The following PKP4 variants were observed in gnomAD, a reference collection of about 807,000 sequenced individuals.
PKP4 encodes plakophilin 4.
PKP4 carries 90 observed loss-of-function variants against 145.1 expected under a neutral mutation model. That is an observed-to-expected ratio of 0.62 (90% CI 0.52 to 0.74). The LOEUF is 0.74. Ranked by LOEUF, PKP4 falls within the 30% of genes least tolerant of loss-of-function variation. PKP4 has a pLI of 0.00. For synonymous variants in PKP4, 563 were observed against 577.2 expected (o/e 0.98, Z 0.35); for missense variants, 1,340 against 1,482.7 (o/e 0.90, Z 1.58).
intron 2 of PKP4, among the ~76,000 whole-genome samples, chr2:158,559,496 C>G (rs2046348017): frequency 1.3e-5 from 2 of 152,062 alleles, no homozygotes; most frequent in Non-Finnish European, 2.9e-5. Flanking sequence ...GCCTCAAGCC[C>G]TACGCAGGAA....
chr2:158,546,074 A>G (rs1033807104), intron 2 of PKP4, among the ~76,000 whole-genome samples: 1 of 152,130 alleles, frequency 6.6e-6, no homozygotes, highest in Non-Finnish European at 1.5e-5. Context: ...AATTCTTTGT[A>G]TTTGACTGTC....
chr2:158,476,959 CAAAT>C (rs1236629267), intron 1 of PKP4, among the ~76,000 whole-genome samples: 1 of 152,060 alleles, frequency 6.6e-6, no homozygotes, highest in East Asian at 1.9e-4. Context: ...TCTTCTAACA[CAAAT>C]ATTTAAAACA....
intron 11 of PKP4, among the ~76,000 whole-genome samples, chr2:158,651,147 A>G (rs2055325892): frequency 6.6e-6 from 1 of 152,084 alleles, no homozygotes; most frequent in African/African-American, 2.4e-5. Flanking sequence ...TTTCACTTAG[A>G]TTTCGTAATT....
At chr2:158,672,525 A>G (rs558291005) in intron 17 of PKP4, among the ~76,000 whole-genome samples, 7 of 152,290 alleles carry the variant, frequency 4.6e-5, no homozygotes, top group Non-Finnish European at 7.4e-5. Flanking sequence ...CAAAGCAGCA[A>G]TGGCCGGGCC....
intron 1 of PKP4, among the ~76,000 whole-genome samples, chr2:158,485,559 A>C (rs1467856810): frequency 6.6e-6 from 1 of 152,180 alleles, no homozygotes; most frequent in African/African-American, 2.4e-5. Flanking sequence ...CATTACAAGC[A>C]CCTGAAGTGT....
At position 158,634,099 on chromosome 2, in the gene PKP4, A is replaced by C. The variant is rs2053616282; in HGVS notation, c.1372A>C (p.Ser458Arg). Residue 458 changes from serine to arginine, a missense_variant, in exon 9 of 22, where the codon AGC becomes CGC. Transcript: ENST00000389759. ...TATTGGAAATCTACAAAGGACATCC[A>C]GCCAACGAAGTACCCTTACATACCA... ...VGIGNLQRTSSQRSTLTYQRN... is the reference protein window; with the variant it reads ...VGIGNLQRTSRQRSTLTYQRN... The C allele has an allele frequency of 3.1e-6, 5 of 1,613,260 alleles. No homozygotes were observed. Among genetic ancestry groups the C allele is most frequent in the Non-Finnish European group, 4.2e-6 (5 of 1,179,124 alleles).
chr2:158,528,272 C>T (rs373823941), intron 1 of PKP4, among the ~76,000 whole-genome samples: 41 of 149,690 alleles, frequency 2.7e-4, no homozygotes, highest in African/African-American at 7.1e-4. Flanking sequence ...ATTAAGAAAA[C>T]GTGGCACATA....
intron 1 of PKP4, among the ~76,000 whole-genome samples, chr2:158,523,492 C>T (rs2042631158): frequency 2.3e-5 from 1 of 43,542 alleles, no homozygotes; most frequent in Admixed American, 2.7e-4. Flanking sequence ...ACATCACCAT[C>T]ATCAAAGACC....
chr2:158,621,382 G>A lies in PKP4; in HGVS notation c.564G>A (p.Val188=), dbSNP rs1178832410. 8 of 1,613,978 alleles carry A rather than the reference G, an allele frequency of 5.0e-6. No homozygotes were observed. In the African/African-American group the frequency reaches 9.3e-5, roughly 19 times the overall value. Residue 188 remains valine, a synonymous_variant, in exon 6 of 22, where the codon GTG becomes GTA. Transcript: ENST00000389759. The stretch of plus-strand genomic sequence containing the variant: ...TCATAGGATCAACTAACAACCATGT[G>A]GTGAGGAATTCAAGAGCTGAAGGAC... ...HSFIGSTNNH[V]VRNSRAEGQT...
At chr2:158,629,537 A>T (rs79005924) in intron 7 of PKP4, among the ~76,000 whole-genome samples, 1 of 152,198 alleles carries the variant, frequency 6.6e-6, no homozygotes, top group Non-Finnish European at 1.5e-5. Context: ...TGATTCGTTT[A>T]GTTTCTTTCC....
rs539266738 is a variant in PKP4, at chr2:158,675,254, A to T, written c.3127+1254A>T. On this transcript the variant is annotated intron_variant, in intron 19 of 21. Coordinates refer to ENST00000389759, the MANE Select transcript of PKP4 (RefSeq NM_003628.6). ...GCGGCCCATGGGTTTTATGCGTCCC[A>T]GGATGGCTTTGCGGCCCAACACAAA... Among the ~76,000 whole-genome samples, 3 of 152,288 alleles carry T rather than the reference A, an allele frequency of 2.0e-5. No individual in the cohort carries two copies. The East Asian group carries it at 5.8e-4, about 29-fold the overall frequency.
intron 2 of PKP4, among the ~76,000 whole-genome samples, chr2:158,553,380 A>G (rs937587683): frequency 2.0e-5 from 3 of 152,186 alleles, no homozygotes; most frequent in Non-Finnish European, 4.4e-5. Context: ...TTTTCCAGGG[A>G]AGATCTGTGG....
At chr2:158,642,445 G>C (rs1362470630) in intron 10 of PKP4, 41 bp from the exon 11 acceptor site, 4 of 1,410,638 alleles carry the variant, frequency 2.8e-6, no homozygotes, top group Non-Finnish European at 3.9e-6. Context: ...CTGATTAATT[G>C]CATGTTACTT....
chr2:158,643,271 G>A (rs985811039), intron 11 of PKP4, among the ~76,000 whole-genome samples: 4 of 152,158 alleles, frequency 2.6e-5, no homozygotes, highest in Non-Finnish European at 2.9e-5. Flanking sequence ...GATGGGTAAC[G>A]AAGTTCCCTG....
intron 4 of PKP4, among the ~76,000 whole-genome samples, chr2:158,619,580 C>G (rs1463083909): frequency 6.6e-6 from 1 of 152,156 alleles, no homozygotes; most frequent in Admixed American, 6.5e-5. Context: ...TCAGCAGTCC[C>G]TAAGAAGTTT....
At chr2:158,676,351 A>G (rs531319012) in intron 19 of PKP4, among the ~76,000 whole-genome samples, 1 of 152,368 alleles carries the variant, frequency 6.6e-6, no homozygotes, top group South Asian at 2.1e-4. Flanking sequence ...TGGGATCATA[A>G]AATAACAAGT....
intron 12 of PKP4, chr2:158,660,155 G>A (rs59201434): frequency 0.14 from 21,367 of 152,706 alleles, 3,394 homozygotes; most frequent in African/African-American, 0.39. Context: ...GGAAGGGACA[G>A]GAATGCTTGG....
intron 9 of PKP4, among the ~76,000 whole-genome samples, chr2:158,638,015 G>A (rs534133927): frequency 6.6e-6 from 1 of 152,328 alleles, no homozygotes; most frequent in Non-Finnish European, 1.5e-5. Context: ...AGGAAATCTT[G>A]ACCCTCAGTG....
chr2:158,613,330 T>C (rs529689851), intron 4 of PKP4, among the ~76,000 whole-genome samples: 1 of 152,312 alleles, frequency 6.6e-6, no homozygotes, highest in Non-Finnish European at 1.5e-5. Flanking sequence ...CTAGCTATTA[T>C]GTAAAATATT....
Sources: gnomAD v4.1 joint callset for allele counts (sites outside exome capture counted in the v4.1 genomes callset) on GRCh38, gnomAD v4.1.1 for gene constraint, MANE v1.5 for transcripts, NCBI Gene and HGNC (gene_info 2026-07-23, HGNC 2026-07-21) for gene names.